The following SORL1 variants were observed in gnomAD, a reference collection of about 807,000 sequenced individuals.
The protein encoded by SORL1 is sortilin related receptor 1.
SORL1 carries 127 observed loss-of-function variants against 273.7 expected under a neutral mutation model. That is an observed-to-expected ratio of 0.46 (90% CI 0.40 to 0.54). The LOEUF (loss-of-function observed/expected upper bound fraction) is 0.54. SORL1 is among the 20% of genes least tolerant of loss of function. The probability of loss-of-function intolerance (pLI) is 0.00; values close to 1 mark genes in which losing one functional copy is unlikely to be tolerated. For synonymous variants in SORL1, 1,031 were observed against 1,067.4 expected, an observed-to-expected ratio of 0.97 and a Z score of 0.66; for missense variants, 2,494 against 2,846.1, an observed-to-expected ratio of 0.88 and a Z score of 2.81.
At chr11:121,485,902 C>G (rs1861465441) in intron 3 of SORL1, among the ~76,000 whole-genome samples, 1 of 152,152 alleles carries the variant, frequency 6.6e-6, no homozygotes, top group East Asian at 1.9e-4. Context: ...AGAGATTTAC[C>G]TGAGATGCTG....
At chr11:121,570,345 C>A in intron 23 of SORL1, 75 bp downstream of exon 23, 2 of 1,149,032 alleles carry the variant, frequency 1.7e-6, no homozygotes, top group South Asian at 1.3e-5. Flanking sequence ...GGCTGAGGGC[C>A]TAAGGTCTAG....
chr11:121,566,208 T>A (rs1282582727), intron 21 of SORL1, among the ~76,000 whole-genome samples: 1 of 152,010 alleles, frequency 6.6e-6, no homozygotes, highest in African/African-American at 2.4e-5. Flanking sequence ...GGACTGGAGC[T>A]GTTCTTTCTC....
chr11:121,523,673 G>C (rs555003431), intron 11 of SORL1, among the ~76,000 whole-genome samples: 1 of 152,078 alleles, frequency 6.6e-6, no homozygotes, highest in Non-Finnish European at 1.5e-5. Context: ...AGTGCGTTTG[G>C]TCTCGTTCTG....
intron 18 of SORL1, 54 bp from the exon 19 acceptor site, chr11:121,557,260 G>A (rs1862601954): frequency 7.9e-7 from 1 of 1,269,304 alleles, no homozygotes; most frequent in Admixed American, 1.7e-5. Flanking sequence ...TGGCAATGGG[G>A]GTCTTTAAGG....
At chr11:121,529,842 T>G (rs1862177178) in intron 11 of SORL1, among the ~76,000 whole-genome samples, 1 of 152,200 alleles carries the variant, frequency 6.6e-6, no homozygotes, top group African/African-American at 2.4e-5. Context: ...GGCCTAATAT[T>G]TCATTTATTT....
chr11:121,605,457 A>G lies in SORL1; in HGVS notation c.4834A>G (p.Thr1612Ala), dbSNP rs1331335867. 2 of 1,614,086 alleles carry G rather than the reference A, an allele frequency of 1.2e-6. No individual in the cohort carries two copies. Among genetic ancestry groups the G allele is most frequent in the Non-Finnish European group, 8.5e-7 (1 of 1,179,968 alleles). The change falls in exon 35 of 48, where the codon ACT (threonine) becomes GCT (alanine). Residue 1612 changes from threonine to alanine, a missense_variant. By Grantham distance (58) the Thr-to-Ala change is moderately conservative. Coordinates refer to ENST00000260197, the MANE Select transcript of SORL1 (RefSeq NM_003105.6). ...TLETHSNKTN[T>A]VLKVLKPDTT... The stretch of plus-strand genomic sequence containing the variant: ...GGAGACCCACAGCAATAAGACAAAC[A>G]CTGTATTAAAAGTCTTGAAACCAGA...
chr11:121,574,167 T>C, intron 23 of SORL1, 74 bp from the exon 24 acceptor site: 1 of 1,458,500 alleles, frequency 6.9e-7, no homozygotes, highest in Non-Finnish European at 9.5e-7. Context: ...TTAATTGGTT[T>C]TCCAGTAGGA....
chr11:121,575,417 TG>T (rs1289118838), intron 24 of SORL1, among the ~76,000 whole-genome samples: 1 of 152,244 alleles, frequency 6.6e-6, no homozygotes, highest in Non-Finnish European at 1.5e-5. Flanking sequence ...GACCCAGACG[TG>T]GTGATGAGTT....
chr11:121,576,711 C>T lies in SORL1; in HGVS notation c.3461-570C>T, dbSNP rs1314087339. On this transcript the variant is annotated intron_variant, in intron 24 of 47. Coordinates refer to ENST00000260197, the MANE Select transcript of SORL1 (RefSeq NM_003105.6). ...CTGCTGGTTGGTTCTTACCAGGCCCCCACCCTTCTAGAGACAGCGCATCCA... is the reference window on the plus strand; with the variant it reads ...CTGCTGGTTGGTTCTTACCAGGCCCTCACCCTTCTAGAGACAGCGCATCCA... The T allele has an allele frequency of 2.1e-6, 3 of 1,427,790 alleles. No homozygotes were observed. The African/African-American group carries it at 4.3e-5, about 21-fold the overall frequency. 88.4% of individuals were successfully genotyped at this position (1,427,790 alleles called of 1,614,324 possible). A position where few individuals can be genotyped will look rare whatever the true frequency, so the allele number is the denominator to read the frequency against.
rs1181836987 is a variant in SORL1, at chr11:121,612,738, G to A, written c.5325G>A (p.Val1775=). The change falls in exon 40 of 48, where the codon GTG becomes GTA. Residue 1775 remains valine (V), a splice_region_variant and synonymous_variant. Transcript: ENST00000260197. The part of the protein sequence containing the change: ...FTLTMESDIK[V]NGYVVNLFWA... Reference sequence around the variant, plus strand: ...ACATGCTTCTTGGTTCTCGGCAGGTGAATGGCTATGTGGTGAACCTTTTCT... The same window carrying A: ...ACATGCTTCTTGGTTCTCGGCAGGTAAATGGCTATGTGGTGAACCTTTTCT... The A allele has an allele frequency of 6.2e-7, 1 of 1,613,702 alleles. No individual in the cohort carries two copies. Among genetic ancestry groups the A allele is most frequent in the Admixed American group, 1.7e-5 (1 of 60,018 alleles).
chr11:121,621,249 G>A lies in SORL1; in HGVS notation c.6064+11G>A. On this transcript the variant is annotated intron_variant, in intron 44 of 47. Transcript: ENST00000260197. ...TAAAAATTACCACAGGTAAGCAGGA[G>A]AGAGGTTAGAGGTCTTCTCACACAG... The A allele has an allele frequency of 6.2e-7, 1 of 1,612,258 alleles. No homozygotes were observed. Among genetic ancestry groups the A allele is most frequent in the Non-Finnish European group, 8.5e-7 (1 of 1,178,840 alleles).
Position 121,514,146 on chromosome 11 carries a change from C to A in SORL1, c.1042-6C>A. On this transcript the variant is annotated splice_polypyrimidine_tract_variant and splice_region_variant and intron_variant, in intron 7 of 47. Coordinates refer to ENST00000260197, the MANE Select transcript of SORL1 (RefSeq NM_003105.6). ...GACGTATCTTTTTTGACTTTTGATT[C>A]CAAAGGAATATTACATCGCAGATGC... is the stretch of plus-strand genomic sequence containing the variant. 6.2e-7 allele frequency: 1 copy of A among 1,609,472 alleles called. No individual in the cohort carries two copies. Among genetic ancestry groups the A allele is most frequent in the Non-Finnish European group, 8.5e-7 (1 of 1,178,084 alleles).
intron 40 of SORL1, 44 bp from the exon 41 acceptor site, chr11:121,614,827 C>A: frequency 1.3e-6 from 2 of 1,541,860 alleles, no homozygotes; most frequent in Non-Finnish European, 1.8e-6. Context: ...TCTTGACTAA[C>A]ACCCCCAACT....
chr11:121,474,831 G>A (rs1242868785), intron 2 of SORL1, among the ~76,000 whole-genome samples: 1 of 152,242 alleles, frequency 6.6e-6, no homozygotes, highest in African/African-American at 2.4e-5. Flanking sequence ...CCACCAATCC[G>A]CTTGAGCTAA....
chr11:121,472,118 C>T (rs1289274018), intron 2 of SORL1, among the ~76,000 whole-genome samples: 1 of 152,090 alleles, frequency 6.6e-6, no homozygotes, highest in Non-Finnish European at 1.5e-5. Context: ...GTACTTCAGC[C>T]TGAGTGACAG....
At chr11:121,552,090 T>C (rs1479789833) in intron 16 of SORL1, among the ~76,000 whole-genome samples, 1 of 151,776 alleles carries the variant, frequency 6.6e-6, no homozygotes, top group African/African-American at 2.4e-5. Context: ...GGGAACGAAG[T>C]GGAGAAATCT....
At chr11:121,519,443 T>C (rs1267329311) in intron 8 of SORL1, among the ~76,000 whole-genome samples, 5 of 151,702 alleles carry the variant, frequency 3.3e-5, no homozygotes, top group African/African-American at 1.2e-4. Flanking sequence ...AGTCTCGCTC[T>C]GTCGCCCAGG....
At chr11:121,584,749 G>A (rs1472338045) in intron 26 of SORL1, among the ~76,000 whole-genome samples, 3 of 152,156 alleles carry the variant, frequency 2.0e-5, no homozygotes, top group Non-Finnish European at 4.4e-5. Context: ...TGGCCACCAC[G>A]CCCAGCTAAT....
At chr11:121,545,040 G>C (rs577952339) in intron 13 of SORL1, among the ~76,000 whole-genome samples, 1 of 152,324 alleles carries the variant, frequency 6.6e-6, no homozygotes, top group East Asian at 1.9e-4. Flanking sequence ...AACTTTTCCA[G>C]GCAGATGCCT....
Sources: gnomAD v4.1 joint callset for allele counts (sites outside exome capture counted in the v4.1 genomes callset) on GRCh38, gnomAD v4.1.1 for gene constraint, MANE v1.5 for transcripts, NCBI Gene and HGNC (gene_info 2026-07-23, HGNC 2026-07-21) for gene names.